Variants in EPHA6 observed in about 807,000 individuals in gnomAD.
EPHA6 encodes EPH receptor A6.
A neutral mutation model predicts 112.0 loss-of-function variants in EPHA6; 50 were observed. The ratio of observed to expected loss-of-function variants is 0.45; its 90% CI spans 0.36 to 0.56. EPHA6 has a LOEUF of 0.56. Among genes scored for constraint, EPHA6 ranks in the 20% least tolerant of loss-of-function variants. The probability of loss-of-function intolerance (pLI) is 0.00; values close to 1 mark genes in which losing one functional copy is unlikely to be tolerated. For synonymous variants in EPHA6, 529 were observed against 490.7 expected (o/e 1.08, Z -1.03); for missense variants, 1,280 against 1,417.4 (o/e 0.90, Z 1.56).
At chr3:97,149,635 A>T (rs892454893) in intron 3 of EPHA6, among the ~76,000 whole-genome samples, 1 of 151,834 alleles carries the variant, frequency 6.6e-6, no homozygotes, top group African/African-American at 2.4e-5. Flanking sequence ...TAATTGAGAA[A>T]CTCAAAAATT....
At chr3:97,420,947 A>T (rs1482355869) in intron 6 of EPHA6, among the ~76,000 whole-genome samples, 1 of 152,172 alleles carries the variant, frequency 6.6e-6, no homozygotes, top group Non-Finnish European at 1.5e-5. Flanking sequence ...AGCAGATAAA[A>T]GGAAAAGTTC....
At chr3:96,846,473 A>G (rs561269639) in intron 1 of EPHA6, among the ~76,000 whole-genome samples, 1 of 152,178 alleles carries the variant, frequency 6.6e-6, no homozygotes, top group South Asian at 2.1e-4. Flanking sequence ...TTTATGTTAC[A>G]TTTTGAAAAT....
chr3:97,132,455 CTCT>C (rs1308214124), intron 3 of EPHA6, among the ~76,000 whole-genome samples: 5 of 152,078 alleles, frequency 3.3e-5, no homozygotes, highest in Admixed American at 6.6e-5. Context: ...AAATATCTCA[CTCT>C]ACTCCTCTAT....
At chr3:97,227,958 T>C (rs2078409388) in intron 4 of EPHA6, among the ~76,000 whole-genome samples, 1 of 152,278 alleles carries the variant, frequency 6.6e-6, no homozygotes, top group East Asian at 1.9e-4. Flanking sequence ...CATCAGATAG[T>C]TGATATCAGC....
intron 8 of EPHA6, among the ~76,000 whole-genome samples, chr3:97,477,317 C>T (rs567889285): frequency 2.6e-5 from 4 of 152,146 alleles, no homozygotes; most frequent in African/African-American, 7.2e-5. Flanking sequence ...CCTAAACATC[C>T]TGGTGGAGGT....
In EPHA6 at chr3:97,006,108, G is replaced by A. The variant is rs184553463; in HGVS notation, c.1114+18115G>A. Among the ~76,000 whole-genome samples, 917 of 152,248 alleles carry A rather than the reference G, an allele frequency of 6.0e-3. 3 individuals are homozygous for A. Among genetic ancestry groups the A allele is most frequent in the Admixed American group, 9.7e-3 (149 of 15,290 alleles). ...TTTGTTGTGTCTCTTCCCAGTTTTG[G>A]TATCAGGATGATGTTGGCTTCATAA... On this transcript the variant is annotated intron_variant, in intron 3 of 17. Coordinates refer to ENST00000389672, the MANE Select transcript of EPHA6 (RefSeq NM_001080448.3).
At chr3:97,267,334 T>C (rs1286841124) in intron 5 of EPHA6, among the ~76,000 whole-genome samples, 1 of 152,096 alleles carries the variant, frequency 6.6e-6, no homozygotes, top group Admixed American at 6.5e-5. Flanking sequence ...GATACTTTCT[T>C]GCACCCACTA....
intron 3 of EPHA6, among the ~76,000 whole-genome samples, chr3:97,008,943 C>A (rs932366776): frequency 6.6e-6 from 1 of 151,996 alleles, no homozygotes; most frequent in African/African-American, 2.4e-5. Context: ...ATCTGATTCG[C>A]CCCCCTGCCT....
chr3:96,931,924 C>A (rs529176113), intron 2 of EPHA6, among the ~76,000 whole-genome samples: 1 of 152,228 alleles, frequency 6.6e-6, no homozygotes, highest in East Asian at 1.9e-4. Context: ...TCTGTGTGTG[C>A]CTGAGCAGCT....
At chr3:97,437,302 C>T (rs913121107) in intron 6 of EPHA6, among the ~76,000 whole-genome samples, 3 of 151,892 alleles carry the variant, frequency 2.0e-5, no homozygotes, top group Non-Finnish European at 4.4e-5. Flanking sequence ...TTTTTCAATC[C>T]GCATCCCAAA....
At chr3:96,931,831 G>A (rs565752368) in intron 2 of EPHA6, among the ~76,000 whole-genome samples, 5 of 152,238 alleles carry the variant, frequency 3.3e-5, no homozygotes, top group South Asian at 2.1e-4. Flanking sequence ...GATTCAGCCC[G>A]CTTCCTAGGG....
At position 97,376,798 on chromosome 3, in the gene EPHA6, G is replaced by A. The variant is rs112420472; in HGVS notation, c.1607-28352G>A. Among the ~76,000 whole-genome samples the A allele has an allele frequency of 2.7e-3, 409 of 152,306 alleles. 1 individual carries two copies. The highest frequency in any genetic ancestry group is 9.3e-3 in the African/African-American group (385 of 41,564). ...TAAGAAATAATGGATTATGCTGAAG[G>A]CAAGGTGAGGGAGACAGAAAGTAAG... On this transcript the variant is annotated intron_variant, in intron 5 of 17. Transcript: ENST00000389672.
intron 3 of EPHA6, among the ~76,000 whole-genome samples, chr3:97,179,717 GTCTCTCTCTCTCTCTCTC>G (rs71113852): frequency 8.4e-6 from 1 of 119,110 alleles, no homozygotes; most frequent in Non-Finnish European, 1.7e-5. Context: ...AACCTACAGA[GTCTCTCTCTCTCTCTCTC>G]TCTCTCTCTC....
intron 3 of EPHA6, among the ~76,000 whole-genome samples, chr3:97,132,506 C>T (rs963286879): frequency 1.3e-5 from 2 of 151,972 alleles, no homozygotes; most frequent in South Asian, 2.1e-4. Flanking sequence ...TGGCTCCTTA[C>T]GTGATGATAT....
intron 3 of EPHA6, among the ~76,000 whole-genome samples, chr3:97,188,444 G>T (rs2077215091): frequency 6.6e-6 from 1 of 151,660 alleles, no homozygotes; most frequent in African/African-American, 2.4e-5. Context: ...TAATAACAAG[G>T]ACAAGAAAGA....
At chr3:97,640,616 CAAA>C (rs751425851) in intron 14 of EPHA6, among the ~76,000 whole-genome samples, 1 of 133,968 alleles carries the variant, frequency 7.5e-6, no homozygotes, top group Admixed American at 7.6e-5. Flanking sequence ...ACTAAAAATA[CAAA>C]AAAAAAAAAA....
chr3:97,684,716 C>T (rs1170879811), intron 14 of EPHA6, among the ~76,000 whole-genome samples: 1 of 151,970 alleles, frequency 6.6e-6, no homozygotes, highest in East Asian at 1.9e-4. Flanking sequence ...CCATAGAGTA[C>T]CTAGCCCTTA....
intron 5 of EPHA6, among the ~76,000 whole-genome samples, chr3:97,329,067 T>C (rs1220100367): frequency 1.3e-5 from 2 of 151,954 alleles, no homozygotes; most frequent in Admixed American, 1.3e-4. Context: ...ACATGCGGTG[T>C]TTGGTTTTTT....
intron 2 of EPHA6, among the ~76,000 whole-genome samples, chr3:96,938,402 C>A (rs1384329892): frequency 6.6e-6 from 1 of 150,550 alleles, no homozygotes; most frequent in Non-Finnish European, 1.5e-5. Flanking sequence ...TGATTTGGCT[C>A]TCTGTTTGTC....
Sources: gnomAD v4.1 joint callset for allele counts (sites outside exome capture counted in the v4.1 genomes callset) on GRCh38, gnomAD v4.1.1 for gene constraint, MANE v1.5 for transcripts, NCBI Gene and HGNC (gene_info 2026-07-23, HGNC 2026-07-21) for gene names.